EYA3: variants seen among roughly 807,000 people sequenced by gnomAD.
EYA3 encodes EYA transcriptional coactivator and phosphatase 3.
Under a neutral mutation model 80.0 loss-of-function variants are expected in EYA3, and 39 were observed. The ratio of observed to expected loss-of-function variants is 0.49; its 90% CI spans 0.38 to 0.64. EYA3 has a LOEUF of 0.64. Among genes scored for constraint, EYA3 ranks in the 30% least tolerant of loss-of-function variants. The pLI is 0.00. For missense variants in EYA3, 523 were observed against 676.1 expected, an observed-to-expected ratio of 0.77 and a Z score of 2.51; for synonymous variants, 206 against 232.8, an observed-to-expected ratio of 0.88 and a Z score of 1.05.
At chr1:28,068,179 T>TA (rs939638515) in intron 1 of EYA3, among the ~76,000 whole-genome samples, 2 of 151,552 alleles carry the variant, frequency 1.3e-5, no homozygotes, top group Non-Finnish European at 2.9e-5. Context: ...CTACTAAAAA[T>TA]AAAAAAAATT....
intron 1 of EYA3, among the ~76,000 whole-genome samples, chr1:28,081,170 A>C (rs559617101): frequency 6.6e-6 from 1 of 152,218 alleles, no homozygotes; most frequent in African/African-American, 2.4e-5. Context: ...AATGTGAGGT[A>C]CCTACAGTAA....
chr1:28,044,544 G>A (rs1260388597), intron 3 of EYA3, among the ~76,000 whole-genome samples: 3 of 152,156 alleles, frequency 2.0e-5, no homozygotes, highest in African/African-American at 7.2e-5. Flanking sequence ...TCTCTAGGGA[G>A]AGGTGGAAGA....
At chr1:28,077,360 C>T (rs1357096850) in intron 1 of EYA3, among the ~76,000 whole-genome samples, 1 of 152,190 alleles carries the variant, frequency 6.6e-6, no homozygotes, top group Non-Finnish European at 1.5e-5. Flanking sequence ...CCTGCCTCAG[C>T]TTCCCAAAGT....
At chr1:28,085,971 GTTTC>G (rs1571994251) in intron 1 of EYA3, among the ~76,000 whole-genome samples, 1 of 152,140 alleles carries the variant, frequency 6.6e-6, no homozygotes, top group East Asian at 1.9e-4. Context: ...GCACAAAACA[GTTTC>G]TTTCTCTAGT....
chr1:28,060,912 G>T (rs1644599240), intron 1 of EYA3, among the ~76,000 whole-genome samples: 1 of 152,166 alleles, frequency 6.6e-6, no homozygotes, highest in South Asian at 2.1e-4. Flanking sequence ...TCCTTGGGAG[G>T]CTGAGGCAAG....
At chr1:28,082,100 A>G (rs2148957510) in intron 1 of EYA3, among the ~76,000 whole-genome samples, 1 of 152,282 alleles carries the variant, frequency 6.6e-6, no homozygotes, top group East Asian at 1.9e-4. Context: ...CCAAGTGGAA[A>G]AAGGACAAAA....
intron 16 of EYA3, among the ~76,000 whole-genome samples, chr1:27,988,002 G>A (rs1464986024): frequency 6.6e-6 from 1 of 152,072 alleles, no homozygotes; most frequent in Non-Finnish European, 1.5e-5. Context: ...CAAGTAGTTA[G>A]GACTACAGCT....
intron 16 of EYA3, among the ~76,000 whole-genome samples, chr1:27,980,767 G>A (rs1313984505): frequency 6.6e-6 from 1 of 152,228 alleles, no homozygotes; most frequent in Non-Finnish European, 1.5e-5. Flanking sequence ...GCCAGGAGCG[G>A]TGGCTCAAGT....
intron 1 of EYA3, among the ~76,000 whole-genome samples, chr1:28,087,947 C>T (rs1645725122): frequency 6.6e-6 from 1 of 152,190 alleles, no homozygotes; most frequent in African/African-American, 2.4e-5. Flanking sequence ...GGGAAGTCTT[C>T]CCATTTCGGG....
intron 14 of EYA3, 141 bp downstream of exon 14, chr1:27,993,257 CTA>C (rs1274193948): frequency 2.3e-6 from 2 of 877,196 alleles, no homozygotes; most frequent in Non-Finnish European, 3.4e-6. Context: ...AACCAAACCT[CTA>C]TTTTTTTAAA....
intron 1 of EYA3, among the ~76,000 whole-genome samples, chr1:28,063,352 C>CTTTTTTTTT (rs371840536): frequency 1.1e-5 from 1 of 93,552 alleles, no homozygotes; most frequent in Non-Finnish European, 2.0e-5. Flanking sequence ...TAACTAAAAC[C>CTTTTTTTTT]TTTTTTTTTT....
At chr1:28,007,843 A>T (rs1407823673) in intron 10 of EYA3, among the ~76,000 whole-genome samples, 5 of 152,140 alleles carry the variant, frequency 3.3e-5, no homozygotes, top group African/African-American at 1.2e-4. Context: ...ATTCAACGCA[A>T]TCCCTATCAA....
intron 16 of EYA3, among the ~76,000 whole-genome samples, chr1:27,979,982 G>A (rs1007863613): frequency 1.3e-5 from 2 of 152,092 alleles, no homozygotes; most frequent in African/African-American, 4.8e-5. Context: ...CAAAACAGAC[G>A]GACTAGTCAA....
chr1:27,978,440 C>T lies in EYA3; in HGVS notation c.1575G>A (p.Arg525=), dbSNP rs1325528950. 60 of 1,614,022 alleles carry T rather than the reference C, an allele frequency of 3.7e-5. No homozygotes were observed. Among genetic ancestry groups the T allele is most frequent in the Admixed American group, 5.0e-5 (3 of 59,994 alleles). Residue 525 remains arginine, a synonymous_variant, in exon 17 of 18, where the codon AGG becomes AGA. Transcript: ENST00000373871. Reference sequence around the variant, plus strand: ...CTACATATGTGACTTTCTTTCCAAACCTTGACACAATTCTCTCAAAGCAGC... The same window carrying T: ...CTACATATGTGACTTTCTTTCCAAATCTTGACACAATTCTCTCAAAGCAGC... ...KESCFERIVS[R]FGKKVTYVVI...
chr1:28,000,943 C>T (rs947976264), intron 11 of EYA3, among the ~76,000 whole-genome samples: 1 of 151,942 alleles, frequency 6.6e-6, no homozygotes, highest in African/African-American at 2.4e-5. Context: ...TGCACACCTG[C>T]AGTCCCAGGT....
rs71027260 is a variant in EYA3, at chr1:28,062,657, G to GGTGTGTGTGTGTGTGTGTGTGTGT, written c.-68-4587_-68-4564dup. 3.3e-3 allele frequency among the ~76,000 whole-genome samples: 474 copies of GGTGTGTGTGTGTGTGTGTGTGTGT among 141,608 alleles called. 3 individuals are homozygous for GGTGTGTGTGTGTGTGTGTGTGTGT. The highest frequency in any genetic ancestry group is 5.1e-3 in the Non-Finnish European group (328 of 64,768). The allele number at this position is 141,608 out of a possible 152,430, so 92.9% of individuals were successfully genotyped here. A position where few individuals can be genotyped will look rare whatever the true frequency, so the allele number is the denominator to read the frequency against. ...TAGGAAGAGAAATTAAATATATGTA[G>GGTGTGTGTGTGTGTGTGTGTGTGT]GTGTGTGTGTGTGTGTGTGTGTGTG... On this transcript the variant is annotated intron_variant, in intron 1 of 17. Coordinates refer to ENST00000373871, the MANE Select transcript of EYA3 (RefSeq NM_001990.4).
intron 14 of EYA3, chr1:27,990,495 G>GT (rs1473547090): frequency 6.6e-6 from 1 of 151,878 alleles, no homozygotes; most frequent in African/African-American, 2.4e-5. Flanking sequence ...CAGTGTTGGC[G>GT]TGAGTGAACA....
chr1:27,989,917 T>C, intron 14 of EYA3, 106 bp from the exon 15 acceptor site: 1 of 565,650 alleles, frequency 1.8e-6, no homozygotes, highest in Non-Finnish European at 3.1e-6. Context: ...CACTGAAATA[T>C]TCTACTGAGT....
At chr1:28,014,281 C>T (rs921639765) in intron 8 of EYA3, among the ~76,000 whole-genome samples, 57 of 151,342 alleles carry the variant, frequency 3.8e-4, no homozygotes, top group African/African-American at 1.3e-3. Context: ...AAACAAAAAT[C>T]CAGGCATGGT....
Sources: gnomAD v4.1 joint callset for allele counts (sites outside exome capture counted in the v4.1 genomes callset) on GRCh38, gnomAD v4.1.1 for gene constraint, MANE v1.5 for transcripts, NCBI Gene and HGNC (gene_info 2026-07-23, HGNC 2026-07-21) for gene names.